SHROOM3: variants seen among roughly 807,000 people sequenced by gnomAD.
SHROOM3 encodes protein Shroom3.
In SHROOM3, 47 loss-of-function variants were observed where a neutral mutation model predicts 138.6. That is an observed-to-expected ratio of 0.34 (90% confidence interval 0.27 to 0.43). SHROOM3 has a LOEUF of 0.43. Among genes scored for constraint, SHROOM3 ranks in the 20% least tolerant of loss-of-function variants. The probability of loss-of-function intolerance (pLI) is 1.00; values close to 1 mark genes in which losing one functional copy is unlikely to be tolerated. For missense variants in SHROOM3, 2,491 were observed against 2,596.5 expected (o/e 0.96, Z 0.88); for synonymous variants, 1,062 against 1,063.3 (o/e 1.00, Z 0.02).
chr4:76,594,485 G>T (rs145051489), intron 2 of SHROOM3, among the ~76,000 whole-genome samples: 1 of 152,248 alleles, frequency 6.6e-6, no homozygotes, highest in East Asian at 1.9e-4. Context: ...GTATGTAATC[G>T]CAGGATGTCA....
intron 2 of SHROOM3, among the ~76,000 whole-genome samples, chr4:76,594,822 G>A (rs1734347518): frequency 6.6e-6 from 1 of 152,190 alleles, no homozygotes; most frequent in African/African-American, 2.4e-5. Context: ...AGTAGAGAAA[G>A]GAAGCCTGAA....
intron 2 of SHROOM3, among the ~76,000 whole-genome samples, chr4:76,610,946 G>A (rs1256001718): frequency 6.6e-6 from 1 of 152,116 alleles, no homozygotes; most frequent in Non-Finnish European, 1.5e-5. Context: ...TCCCTCAAAT[G>A]AGAAACTATT....
chr4:76,599,379 CA>C (rs1411042733), intron 2 of SHROOM3, among the ~76,000 whole-genome samples: 1 of 152,080 alleles, frequency 6.6e-6, no homozygotes, highest in Non-Finnish European at 1.5e-5. Flanking sequence ...CCCATTCAAG[CA>C]CAGCAAAATC....
At chr4:76,689,914 GA>G (rs1452771718) in intron 2 of SHROOM3, among the ~76,000 whole-genome samples, 2 of 152,168 alleles carry the variant, frequency 1.3e-5, no homozygotes, top group Non-Finnish European at 2.9e-5. Context: ...CTTTTTATCA[GA>G]GAGGCAGTAG....
At chr4:76,668,431 G>T (rs1718779880) in intron 2 of SHROOM3, among the ~76,000 whole-genome samples, 1 of 152,082 alleles carries the variant, frequency 6.6e-6, no homozygotes, top group South Asian at 2.1e-4. Flanking sequence ...AAATTAGCCG[G>T]ACGTAGTGGC....
intron 2 of SHROOM3, among the ~76,000 whole-genome samples, chr4:76,648,517 T>A (rs1475465453): frequency 6.9e-6 from 1 of 145,860 alleles, no homozygotes; most frequent in Admixed American, 6.9e-5. Context: ...TTTTTTTTTT[T>A]AGCAGCCTCC....
intron 2 of SHROOM3, among the ~76,000 whole-genome samples, chr4:76,614,141 C>T (rs1734824116): frequency 1.3e-5 from 2 of 152,144 alleles, no homozygotes; most frequent in African/African-American, 2.4e-5. Flanking sequence ...CTGCAAGCTC[C>T]GCCTCCCGGG....
intron 2 of SHROOM3, among the ~76,000 whole-genome samples, chr4:76,561,242 A>G (rs1247137120): frequency 5.9e-5 from 9 of 152,198 alleles, no homozygotes; most frequent in Admixed American, 2.0e-4. Flanking sequence ...GAAGGAAACA[A>G]TTCTTTTTTA....
intron 1 of SHROOM3, among the ~76,000 whole-genome samples, chr4:76,484,592 CAAACAAACAAACAAACAAAA>C (rs992208115): frequency 5.4e-5 from 8 of 147,068 alleles, no homozygotes; most frequent in African/African-American, 1.0e-4. Flanking sequence ...AACAAACAAA[CAAACAAACAAACAAACAAAA>C]AGTCTTAGGA....
At chr4:76,769,146 T>C (rs1722262888) in intron 9 of SHROOM3, among the ~76,000 whole-genome samples, 1 of 151,578 alleles carries the variant, frequency 6.6e-6, no homozygotes, top group Non-Finnish European at 1.5e-5. Flanking sequence ...AAAATGAACA[T>C]ATACTTCCAA....
intron 1 of SHROOM3, among the ~76,000 whole-genome samples, chr4:76,529,862 A>G (rs1338788669): frequency 1.3e-5 from 2 of 152,060 alleles, no homozygotes; most frequent in Non-Finnish European, 2.9e-5. Context: ...ATTCTTTTGA[A>G]TCTCTTAGTT....
At chr4:76,643,183 C>T (rs1735721000) in intron 2 of SHROOM3, among the ~76,000 whole-genome samples, 1 of 145,740 alleles carries the variant, frequency 6.9e-6, no homozygotes, top group Admixed American at 7.0e-5. Context: ...CATTGTACTC[C>T]ATCGTGCCAT....
At chr4:76,692,554 C>G (rs1224859618) in intron 2 of SHROOM3, among the ~76,000 whole-genome samples, 2 of 152,210 alleles carry the variant, frequency 1.3e-5, no homozygotes, top group African/African-American at 4.8e-5. Context: ...CCACCAATGA[C>G]TTGTACAGAA....
chr4:76,670,851 A>T (rs547047577), intron 2 of SHROOM3, among the ~76,000 whole-genome samples: 2 of 152,166 alleles, frequency 1.3e-5, no homozygotes, highest in Admixed American at 6.5e-5. Flanking sequence ...TACTTGGGAG[A>T]TTGAAGTGGG....
intron 2 of SHROOM3, among the ~76,000 whole-genome samples, chr4:76,698,698 A>C (rs1334973128): frequency 1.3e-5 from 2 of 152,142 alleles, no homozygotes; most frequent in Non-Finnish European, 2.9e-5. Context: ...TTGAAGATGC[A>C]TTCACCAACA....
intron 1 of SHROOM3, among the ~76,000 whole-genome samples, chr4:76,486,047 A>T (rs1731722751): frequency 6.6e-6 from 1 of 151,908 alleles, no homozygotes; most frequent in Non-Finnish European, 1.5e-5. Flanking sequence ...CTTGGATAGG[A>T]CTAGTTGCTT....
intron 1 of SHROOM3, among the ~76,000 whole-genome samples, chr4:76,549,414 G>A (rs904965434): frequency 1.8e-4 from 27 of 151,900 alleles, no homozygotes; most frequent in Non-Finnish European, 3.7e-4. Context: ...TGTTGCCCGG[G>A]CTGGAGTGCA....
chr4:76,745,941 A>G (rs1001652235), intron 5 of SHROOM3, among the ~76,000 whole-genome samples: 2 of 152,234 alleles, frequency 1.3e-5, no homozygotes, highest in Admixed American at 6.5e-5. Flanking sequence ...AGATAGCGCC[A>G]CTTCCCTCCA....
At chr4:76,486,749 A>C (rs1731739606) in intron 1 of SHROOM3, among the ~76,000 whole-genome samples, 1 of 152,128 alleles carries the variant, frequency 6.6e-6, no homozygotes. Context: ...TCTCAGCCCT[A>C]GTGGTAATCA....
Sources: allele counts gnomAD v4.1 joint callset (sites outside exome capture counted in the v4.1 genomes callset), GRCh38; gene constraint gnomAD v4.1.1; transcripts MANE v1.5; gene names NCBI Gene and HGNC (gene_info 2026-07-23, HGNC 2026-07-21).